RNF123: variants seen among roughly 807,000 people sequenced by gnomAD.
RNF123 encodes ring finger protein 123.
In RNF123, 86 loss-of-function variants were observed where a neutral mutation model predicts 168.5. That is an observed-to-expected ratio of 0.51 (90% CI 0.43 to 0.61). The LOEUF is 0.61. RNF123 is among the 20% of genes least tolerant of loss of function. The pLI is 0.00. For synonymous variants in RNF123, 666 were observed against 689.1 expected (o/e 0.97, Z 0.52); for missense variants, 1,419 against 1,729.7 (o/e 0.82, Z 3.19).
chr3:49,720,689 G>A (rs1485235413), intron 36 of RNF123, 36 bp downstream of exon 36: 1 of 1,596,134 alleles, frequency 6.3e-7, no homozygotes, highest in Non-Finnish European at 8.6e-7. Context: ...GGGAAATCTG[G>A]GGCTGGGTCG....
In RNF123 at chr3:49,718,953, C is replaced by T. The variant is rs750822721; in HGVS notation, c.3501-1558C>T. 5.0e-6 allele frequency: 8 copies of T among 1,613,748 alleles called. No individual in the cohort carries two copies. In the South Asian group the frequency reaches 7.7e-5, roughly 16 times the overall value. On this transcript the variant is annotated intron_variant, in intron 35 of 38. Transcript: ENST00000327697. ...GACCGTGCAGGTGGTCGAAGGAGAACGAGGCGAGTTCGTTGCAGCCCAGGT... is the reference window on the plus strand; with the variant it reads ...GACCGTGCAGGTGGTCGAAGGAGAATGAGGCGAGTTCGTTGCAGCCCAGGT...
intron 35 of RNF123, chr3:49,719,212 A>C (rs1478073447): frequency 6.2e-7 from 1 of 1,613,188 alleles, no homozygotes; most frequent in Admixed American, 1.7e-5. Context: ...GCGCAGCTGG[A>C]AGAGGGGCGC....
intron 27 of RNF123, 50 bp from the exon 28 acceptor site, chr3:49,713,463 C>T (rs756610373): frequency 2.6e-6 from 4 of 1,541,288 alleles, no homozygotes; most frequent in South Asian, 2.4e-5. Context: ...ACATGCCTGC[C>T]TCTGGAGCCC....
intron 3 of RNF123, among the ~76,000 whole-genome samples, chr3:49,693,978 C>T (rs778764079): frequency 2.6e-5 from 4 of 151,924 alleles, no homozygotes; most frequent in Admixed American, 6.6e-5. Context: ...GAGTTGTTTG[C>T]GTTCTTTGTA....
intron 5 of RNF123, 127 bp downstream of exon 5, chr3:49,697,584 G>A: frequency 2.7e-6 from 2 of 745,508 alleles, no homozygotes; most frequent in East Asian, 5.4e-5. Flanking sequence ...TCCTGACGTG[G>A]CCCCAGACCA....
intron 3 of RNF123, among the ~76,000 whole-genome samples, chr3:49,694,157 CTT>C (rs984803428): frequency 6.6e-6 from 1 of 152,124 alleles, no homozygotes; most frequent in African/African-American, 2.4e-5. Context: ...GTATAGAAAA[CTT>C]TAAAAAAATT....
intron 23 of RNF123, 75 bp from the exon 24 acceptor site, chr3:49,705,459 C>T (rs1287855652): frequency 2.0e-6 from 3 of 1,515,038 alleles, no homozygotes; most frequent in African/African-American, 2.8e-5. Flanking sequence ...GAGATGATTT[C>T]CTCTCCTGCT....
rs150915433 is a variant in RNF123, at chr3:49,713,912, G to A, written c.2840G>A (p.Arg947His). 1.2e-5 allele frequency: 19 copies of A among 1,613,654 alleles called. No individual in the cohort carries two copies. The highest frequency in any genetic ancestry group is 2.2e-5 in the East Asian group (1 of 44,868). The stretch of plus-strand genomic sequence containing the variant: ...CTCTCCCCTCCTTGCCCTCACAGGC[G>A]TATCGCCATGGTGAGGAACCTCCTG... ...RAVERIPEEQ[R>H]IAMVRNLLAP... The change falls in exon 30 of 39, where the codon CGT becomes CAT. Residue 947 changes from arginine to histidine, a missense_variant and splice_region_variant. Arg to His is a conservative substitution (Grantham distance 29, BLOSUM62 0). Around this residue, in one of 5 missense-constraint regions of RNF123, gnomAD observed 538 missense variants for 708.8 expected, o/e 0.76. Coordinates refer to ENST00000327697, the MANE Select transcript of RNF123 (RefSeq NM_022064.5).
chr3:49,702,306 C>T lies in RNF123; in HGVS notation c.1558-28C>T, dbSNP rs759709848. The T allele has an allele frequency of 4.3e-6, 7 of 1,612,318 alleles. No individual in the cohort carries two copies. The African/African-American group carries it at 9.3e-5, about 22-fold the overall frequency. ...GTCTGGGCCTGCATTCTCAGCTCAG[C>T]ACAGCCTCACTTTTCCCTCTCTCAA... On this transcript the variant is annotated intron_variant, in intron 18 of 38. Transcript: ENST00000327697.
In RNF123 at chr3:49,697,135, C is replaced by T. The variant is rs1237953005; in HGVS notation, c.168-8C>T. ...TGTGGACCCCTGGCAGCCTCTCACT[C>T]TCCCCAGGAAACCCCTGAACTTCCA... On this transcript the variant is annotated splice_polypyrimidine_tract_variant and splice_region_variant and intron_variant, in intron 3 of 38. Coordinates refer to ENST00000327697, the MANE Select transcript of RNF123 (RefSeq NM_022064.5). The T allele has an allele frequency of 1.2e-6, 2 of 1,612,952 alleles. No homozygotes were observed. The highest frequency in any genetic ancestry group is 2.7e-5 in the African/African-American group (2 of 74,884).
Position 49,705,304 on chromosome 3 carries a change from A to G in RNF123, c.2158+122A>G, listed in dbSNP as rs1575529999. ...CAGCCCTGTGGCCTGGCAGCATCCC[A>G]GGAGTGCAGGAAGCACACTCCGAGG... On this transcript the variant is annotated intron_variant, in intron 23 of 38. Coordinates refer to ENST00000327697, the MANE Select transcript of RNF123 (RefSeq NM_022064.5). 4.6e-6 allele frequency: 6 copies of G among 1,292,296 alleles called. No individual in the cohort carries two copies. In the East Asian group the frequency reaches 1.5e-4, roughly 33 times the overall value. 80.1% of individuals were successfully genotyped at this position (1,292,296 alleles called of 1,614,324 possible). A position where few individuals can be genotyped will look rare whatever the true frequency, so the allele number is the denominator to read the frequency against.
rs755364458 is a variant in RNF123 at position 49,701,581 on chromosome 3, C to T, written c.1368C>T (p.Thr456=). 6.2e-7 allele frequency: 1 copy of T among 1,613,574 alleles called. No individual in the cohort carries two copies. The highest frequency in any genetic ancestry group is 8.5e-7 in the Non-Finnish European group (1 of 1,179,792). The change falls in exon 16 of 39, where the codon ACC becomes ACT. Residue 456 remains threonine (T), a synonymous_variant. Coordinates refer to ENST00000327697, the MANE Select transcript of RNF123 (RefSeq NM_022064.5). ...GCCTGCAGGAGCTCATTCCCACCAC[C>T]TGGTGGCCCCACTGCTCCAGTAGGG... The part of the protein sequence containing the change: ...EAGLQELIPT[T]WWPHCSSREG...
chr3:49,711,512 C>T (rs1345495371), intron 26 of RNF123, among the ~76,000 whole-genome samples: 7 of 152,166 alleles, frequency 4.6e-5, no homozygotes, highest in Non-Finnish European at 1.0e-4. Context: ...ACACAGTCTT[C>T]GCTGGCCTTC....
At chr3:49,717,537 T>C (rs7628207) in intron 35 of RNF123, 178,958 of 218,470 alleles carry the variant, frequency 0.82, 74,091 homozygotes, top group East Asian at 0.99. Flanking sequence ...TCGAGAGCTG[T>C]CTCAGCCCCT....
intron 27 of RNF123, chr3:49,713,044 C>A: frequency 1.5e-6 from 1 of 656,364 alleles, no homozygotes; most frequent in Non-Finnish European, 2.8e-6. Context: ...CTTGGTAAAT[C>A]ACAGCAGGGG....
At chr3:49,706,935 C>T (rs760995762) in intron 26 of RNF123, 37 bp downstream of exon 26, 1 of 1,569,374 alleles carries the variant, frequency 6.4e-7, no homozygotes, top group African/African-American at 1.3e-5. Flanking sequence ...CCCGACCTCA[C>T]TGTCTGGCCA....
Position 49,702,384 on chromosome 3 carries a change from G to T in RNF123, c.1608G>T (p.Gln536His). The T allele has an allele frequency of 6.2e-7, 1 of 1,614,214 alleles. No individual in the cohort carries two copies. Residue 536 changes from glutamine (Q) to histidine (H), a missense_variant, in exon 19 of 39, where the codon CAG (glutamine) becomes CAT (histidine). Physicochemically the swap from Gln to His is conservative, Grantham distance 24. This residue lies in a region of RNF123 where 349 missense variants were observed against 344.9 expected (regional missense o/e 1.01). Transcript: ENST00000327697. ...IFLTKFRKFLQENASGRGNMP... is the reference protein window; with the variant it reads ...IFLTKFRKFLHENASGRGNMP... ...TGACCAAGTTTCGCAAGTTTCTGCA[G>T]GAGAACGCCAGTGGCCGGGGGGTAG...
intron 5 of RNF123, 144 bp downstream of exon 5, chr3:49,697,601 T>C (rs2054294219): frequency 4.3e-6 from 3 of 703,224 alleles, no homozygotes; most frequent in South Asian, 3.7e-5. Flanking sequence ...ACCATTGTGT[T>C]CTCAGTCCTC....
intron 35 of RNF123, chr3:49,719,637 C>G: frequency 1.7e-6 from 1 of 604,230 alleles, no homozygotes; most frequent in South Asian, 2.1e-5. Flanking sequence ...GGTTGTGAGG[C>G]GGTGCGGCAC....
Sources: allele counts gnomAD v4.1 joint callset (sites outside exome capture counted in the v4.1 genomes callset), GRCh38; gene constraint gnomAD v4.1.1; regional missense constraint gnomAD v4.1.1; transcripts MANE v1.5; gene names NCBI Gene and HGNC (gene_info 2026-07-23, HGNC 2026-07-21).